LIMS1: variants seen among roughly 807,000 people sequenced by gnomAD.
LIMS1 encodes the protein LIM zinc finger domain containing 1.
In LIMS1, 18 loss-of-function variants were observed where a neutral mutation model predicts 44.1. The ratio of observed to expected loss-of-function variants is 0.41; its 90% CI spans 0.28 to 0.61. The LOEUF (loss-of-function observed/expected upper bound fraction) is 0.61, where lower values mean the gene tolerates loss of function less well. Ranked by LOEUF, LIMS1 falls within the 20% of genes least tolerant of loss-of-function variation. The pLI, the probability that LIMS1 is intolerant of heterozygous loss-of-function variation, is 0.32. For missense variants in LIMS1, 201 were observed against 422.0 expected (o/e 0.48, Z 4.59); for synonymous variants, 93 against 149.1 (o/e 0.62, Z 2.74).
chr2:108,544,607 G>A (rs796764983), intron 1 of LIMS1, among the ~76,000 whole-genome samples: 19 of 152,194 alleles, frequency 1.2e-4, no homozygotes, highest in African/African-American at 4.6e-4. Flanking sequence ...CGATTCTCCT[G>A]CCTCAGCCTC....
chr2:108,571,171 A>G (rs182437076), intron 1 of LIMS1, among the ~76,000 whole-genome samples: 88 of 152,340 alleles, frequency 5.8e-4, no homozygotes, highest in Non-Finnish European at 1.0e-3. Flanking sequence ...GAGTGTTTAT[A>G]AATAATGGTA....
At chr2:108,683,945 A>T in exon 10 of LIMS1, 1 of 1,605,200 alleles carries the variant, frequency 6.2e-7, no homozygotes. Flanking sequence ...AGAAATTTCC[A>T]TTGGAGCTGA....
intron 1 of LIMS1, among the ~76,000 whole-genome samples, chr2:108,570,842 C>T (rs2104631091): frequency 6.6e-6 from 1 of 152,282 alleles, no homozygotes; most frequent in East Asian, 1.9e-4. Context: ...AAAGGGAGGC[C>T]AAGACCGCTC....
chr2:108,676,066 A>G (rs771672558), intron 6 of LIMS1, 38 bp downstream of exon 6: 2 of 1,577,846 alleles, frequency 1.3e-6, no homozygotes, highest in South Asian at 2.3e-5. Context: ...AATCCTTTCA[A>G]ATCTCCATGA....
chr2:108,683,828 A>G (rs2149028939), intron 9 of LIMS1, 57 bp from the exon 10 acceptor site: 1 of 896,470 alleles, frequency 1.1e-6, no homozygotes. Context: ...TCATTTATAT[A>G]TCTTTGTTGA....
rs571531912 is a variant in LIMS1 at position 108,682,013 on chromosome 2, A to G, written c.899+1243A>G. On this transcript the variant is annotated intron_variant, in intron 9 of 9. Transcript: ENST00000544547. ...ATACAATACCCATATGCTACTGTTT[A>G]TGAATTCATTTCCTCAATGTCTTCA... is the stretch of plus-strand genomic sequence containing the variant. 4.0e-5 allele frequency among the ~76,000 whole-genome samples: 6 copies of G among 151,856 alleles called. No homozygotes were observed. In the East Asian group the frequency reaches 1.2e-3, roughly 30 times the overall value.
At chr2:108,626,603 C>G (rs1168384989) in intron 1 of LIMS1, among the ~76,000 whole-genome samples, 1 of 152,166 alleles carries the variant, frequency 6.6e-6, no homozygotes, top group Non-Finnish European at 1.5e-5. Flanking sequence ...GTGCATCTAG[C>G]ACGTACTGCA....
At chr2:108,590,381 CTT>C (rs2104681950) in intron 1 of LIMS1, among the ~76,000 whole-genome samples, 2 of 152,272 alleles carry the variant, frequency 1.3e-5, no homozygotes, top group Middle Eastern at 3.4e-3. Context: ...TTAATTTGGT[CTT>C]TTAGTTGATA....
rs188766924 is a variant in LIMS1 at position 108,598,705 on chromosome 2, G to C, written c.33-60900G>C. Among the ~76,000 whole-genome samples the C allele has an allele frequency of 7.2e-4, 110 of 152,322 alleles. 2 individuals carry two copies. The highest frequency in any genetic ancestry group is 3.4e-3 in the Middle Eastern group (1 of 294). ...TGCCAGTTCAGGCAACACGGAAGCT[G>C]TGTCTGTTTCTCCTGTCATTGTAAA... On this transcript the variant is annotated intron_variant, in intron 1 of 9. Transcript: ENST00000544547.
chr2:108,620,269 C>T (rs1218013134), intron 1 of LIMS1, among the ~76,000 whole-genome samples: 1 of 152,178 alleles, frequency 6.6e-6, no homozygotes, highest in Non-Finnish European at 1.5e-5. Flanking sequence ...TTATCAGACC[C>T]ATTTCTCTGT....
At chr2:108,621,883 A>T (rs916372995) in intron 1 of LIMS1, among the ~76,000 whole-genome samples, 4 of 152,066 alleles carry the variant, frequency 2.6e-5, no homozygotes, top group African/African-American at 7.2e-5. Context: ...TGCCATGGAG[A>T]TTGTTACTGA....
chr2:108,616,006 C>T (rs768674650), intron 1 of LIMS1, among the ~76,000 whole-genome samples: 1 of 152,072 alleles, frequency 6.6e-6, no homozygotes, highest in Non-Finnish European at 1.5e-5. Context: ...CCCTTGAAAA[C>T]GTGGGATTGG....
At chr2:108,534,425 G>A (rs1440904276) in exon 1 of LIMS1, 1 of 519,942 alleles carries the variant, frequency 1.9e-6, no homozygotes, top group East Asian at 6.0e-5. Context: ...GCGCCCCCGC[G>A]CGGCCGGCCC....
rs568704415 is a variant in LIMS1 at position 108,628,093 on chromosome 2, G to A, written c.33-31512G>A. ...TTTGCCTGCAGTGCTGAGTGTTCTT[G>A]ACTTGCAGGTGCCTTGCTCCTGTTT... is the stretch of plus-strand genomic sequence containing the variant. On this transcript the variant is annotated intron_variant, in intron 1 of 9. Transcript: ENST00000544547. Among the ~76,000 whole-genome samples the A allele has an allele frequency of 3.3e-5, 5 of 152,332 alleles. No individual in the cohort carries two copies. The South Asian group carries it at 8.3e-4, about 25-fold the overall frequency.
intron 1 of LIMS1, among the ~76,000 whole-genome samples, chr2:108,611,649 G>T (rs1445033004): frequency 6.6e-6 from 1 of 151,978 alleles, no homozygotes; most frequent in South Asian, 2.1e-4. Flanking sequence ...GGAGGCCGGG[G>T]CGTGGGGATC....
At chr2:108,591,797 TTTTG>T (rs747811394) in intron 1 of LIMS1, among the ~76,000 whole-genome samples, 3,960 of 56,460 alleles carry the variant, frequency 0.07, 123 homozygotes, top group East Asian at 0.49. Flanking sequence ...TAGTTTTTTT[TTTTG>T]TTTTTTTTTT....
At chr2:108,607,963 C>CA (rs1260667224) in intron 1 of LIMS1, among the ~76,000 whole-genome samples, 2 of 152,160 alleles carry the variant, frequency 1.3e-5, no homozygotes, top group African/African-American at 4.8e-5. Context: ...CTTACATACT[C>CA]AGAGTGTTTG....
At chr2:108,686,222 G>A (rs1029438844) in exon 10 of LIMS1, 8 of 152,026 alleles carry the variant, frequency 5.3e-5, no homozygotes, top group Non-Finnish European at 4.4e-5. Flanking sequence ...GGGAGGCTGA[G>A]GCAGGAGAAT....
intron 3 of LIMS1, among the ~76,000 whole-genome samples, chr2:108,671,403 G>T (rs1219808507): frequency 6.6e-6 from 1 of 152,148 alleles, no homozygotes; most frequent in African/African-American, 2.4e-5. Flanking sequence ...CTATCGGGTG[G>T]CGTTTGGGAG....
Sources: gnomAD v4.1 joint callset for allele counts (sites outside exome capture counted in the v4.1 genomes callset) on GRCh38, gnomAD v4.1.1 for gene constraint, MANE v1.5 for transcripts, NCBI Gene and HGNC (gene_info 2026-07-23, HGNC 2026-07-21) for gene names.